RARB: variants seen among roughly 807,000 people sequenced by gnomAD.
The protein encoded by RARB is retinoic acid receptor beta, also known as HBV-activated protein.
A neutral mutation model predicts 51.9 loss-of-function variants in RARB; 17 were observed. That is an observed-to-expected ratio of 0.33 (90% CI 0.22 to 0.49). The LOEUF (loss-of-function observed/expected upper bound fraction) is 0.49, where lower values mean the gene tolerates loss of function less well. Among genes scored for constraint, RARB ranks in the 20% least tolerant of loss-of-function variants. RARB has a pLI of 0.99. For missense variants in RARB, 369 were observed against 550.8 expected (o/e 0.67, Z 3.30); for synonymous variants, 215 against 195.4 (o/e 1.10, Z -0.84).
chr3:24,854,032 T>C (rs1292809236), intron 1 of RARB, among the ~76,000 whole-genome samples: 1 of 152,212 alleles, frequency 6.6e-6, no homozygotes, highest in Non-Finnish European at 1.5e-5. Context: ...CTCTGGCCTT[T>C]TTGAAAATGG....
At chr3:25,495,195 G>A (rs147026027) in intron 2 of RARB, among the ~76,000 whole-genome samples, 285 of 152,206 alleles carry the variant, frequency 1.9e-3, no homozygotes, top group African/African-American at 6.4e-3. Flanking sequence ...AAGGTGAAAC[G>A]GGGTTCATGT....
At chr3:25,317,275 A>G (rs1042481818) in intron 5 of RARB, among the ~76,000 whole-genome samples, 1 of 152,068 alleles carries the variant, frequency 6.6e-6, no homozygotes, top group Non-Finnish European at 1.5e-5. Flanking sequence ...AGGTGGTTGG[A>G]TGAAAGGGAG....
At chr3:25,413,494 A>G (rs932725352) in intron 5 of RARB, among the ~76,000 whole-genome samples, 1 of 152,206 alleles carries the variant, frequency 6.6e-6, no homozygotes, top group East Asian at 1.9e-4. Flanking sequence ...GTGTATACAT[A>G]GAAATGGAAT....
chr3:24,858,386 C>G (rs985879634), intron 1 of RARB, among the ~76,000 whole-genome samples: 1 of 152,218 alleles, frequency 6.6e-6, no homozygotes, highest in Non-Finnish European at 1.5e-5. Context: ...ATTTAAAGCA[C>G]GTAAGCCCAC....
At chr3:25,224,063 C>G (rs1702002807) in intron 5 of RARB, among the ~76,000 whole-genome samples, 1 of 152,236 alleles carries the variant, frequency 6.6e-6, no homozygotes, top group East Asian at 1.9e-4. Context: ...AATGTTAACA[C>G]TTGAAGATGA....
At chr3:25,414,444 A>G (rs1462652847) in intron 5 of RARB, among the ~76,000 whole-genome samples, 1 of 152,236 alleles carries the variant, frequency 6.6e-6, no homozygotes, top group Non-Finnish European at 1.5e-5. Context: ...CTAGGCATGG[A>G]ATGGCAGGAT....
intron 2 of RARB, among the ~76,000 whole-genome samples, chr3:25,469,869 CTGGCTTTTGGGGAATGACCAGG>C (rs1386229724): frequency 2.0e-5 from 3 of 152,124 alleles, no homozygotes; most frequent in Admixed American, 6.5e-5. Context: ...GATTTAAATT[CTGGCTTTTGGGGAATGACCAGG>C]CTCAAGTCTT....
chr3:25,411,567 C>A (rs1278416064), intron 5 of RARB, among the ~76,000 whole-genome samples: 1 of 152,198 alleles, frequency 6.6e-6, no homozygotes, highest in African/African-American at 2.4e-5. Flanking sequence ...CACAGAACAG[C>A]TGACATCTCT....
Position 25,461,466 on chromosome 3 carries a change from G to T in RARB, c.306+125G>T. 7.2e-6 allele frequency: 8 copies of T among 1,113,004 alleles called. No homozygotes were observed. In the South Asian group the frequency reaches 9.0e-5, roughly 12 times the overall value. 68.9% of individuals were successfully genotyped at this position (1,113,004 alleles called of 1,614,324 possible). On this transcript the variant is annotated intron_variant, in intron 2 of 7. Coordinates refer to ENST00000330688, the MANE Select transcript of RARB (RefSeq NM_000965.5). ...ACCTCCCATAAGTGTGGTGAATTCA[G>T]TTATATTCAGTGGTTTTTATTACTT... is the stretch of plus-strand genomic sequence containing the variant.
At chr3:25,393,072 G>A (rs143754848) in intron 5 of RARB, among the ~76,000 whole-genome samples, 7 of 152,024 alleles carry the variant, frequency 4.6e-5, no homozygotes, top group East Asian at 1.9e-4. Flanking sequence ...CTTCTATGCC[G>A]ATTTTGCTGA....
At chr3:25,109,501 A>T (rs1699564114) in intron 3 of RARB, among the ~76,000 whole-genome samples, 1 of 152,198 alleles carries the variant, frequency 6.6e-6, no homozygotes, top group African/African-American at 2.4e-5. Context: ...ATGTTTTTTT[A>T]AACAGTCTCC....
At chr3:25,441,669 A>G (rs1708692759) in intron 1 of RARB, among the ~76,000 whole-genome samples, 1 of 152,188 alleles carries the variant, frequency 6.6e-6, no homozygotes, top group Non-Finnish European at 1.5e-5. Flanking sequence ...TTAATGCAGA[A>G]AAGTTACAAC....
At chr3:24,869,088 C>G (rs528694743) in intron 2 of RARB, among the ~76,000 whole-genome samples, 54 of 152,190 alleles carry the variant, frequency 3.5e-4, no homozygotes, top group African/African-American at 1.2e-3. Context: ...TTCATGTTAT[C>G]TCTCTCTCAT....
intron 2 of RARB, among the ~76,000 whole-genome samples, chr3:24,939,645 G>C (rs983800857): frequency 6.6e-6 from 1 of 152,086 alleles, no homozygotes; most frequent in Non-Finnish European, 1.5e-5. Flanking sequence ...AGCACATTTT[G>C]GTTTCAGATG....
chr3:25,424,272 G>A (rs1301304615), upstream of RARB, among the ~76,000 whole-genome samples: 1 of 152,188 alleles, frequency 6.6e-6, no homozygotes, highest in Non-Finnish European at 1.5e-5. Flanking sequence ...TTTGGTATAA[G>A]ATCCACGAAC....
intron 2 of RARB, among the ~76,000 whole-genome samples, chr3:25,052,611 C>T (rs1259032721): frequency 6.6e-6 from 1 of 152,016 alleles, no homozygotes; most frequent in Admixed American, 6.6e-5. Flanking sequence ...AAATGGAGAA[C>T]CACATAGCAG....
chr3:25,547,861 T>A lies in RARB; in HGVS notation c.449-21897T>A, dbSNP rs535647561. Reference sequence around the variant, plus strand: ...GTATCCTTTTTTTTCTCTGAAGAGATATGGGGGAAATAATGATTTTACATA... The same window carrying A: ...GTATCCTTTTTTTTCTCTGAAGAGAAATGGGGGAAATAATGATTTTACATA... On this transcript the variant is annotated intron_variant, in intron 3 of 7. Coordinates refer to ENST00000330688, the MANE Select transcript of RARB (RefSeq NM_000965.5). Among the ~76,000 whole-genome samples, 3 of 152,244 alleles carry A rather than the reference T, an allele frequency of 2.0e-5. No individual in the cohort carries two copies. In the South Asian group the frequency reaches 6.2e-4, roughly 32 times the overall value.
At chr3:25,155,946 T>C (rs906167928) in intron 4 of RARB, among the ~76,000 whole-genome samples, 1 of 152,228 alleles carries the variant, frequency 6.6e-6, no homozygotes, top group Non-Finnish European at 1.5e-5. Flanking sequence ...TGAATTTCAA[T>C]GTATTGGGTG....
chr3:24,918,967 A>G (rs976630289), intron 2 of RARB, among the ~76,000 whole-genome samples: 3 of 152,288 alleles, frequency 2.0e-5, no homozygotes, highest in Non-Finnish European at 2.9e-5. Flanking sequence ...TGGGTAAGAG[A>G]ACTGAATTTG....
Sources: gnomAD v4.1 joint callset for allele counts (sites outside exome capture counted in the v4.1 genomes callset) on GRCh38, gnomAD v4.1.1 for gene constraint, MANE v1.5 for transcripts, NCBI Gene and HGNC (gene_info 2026-07-23, HGNC 2026-07-21) for gene names.